The following AVL9 variants were observed in gnomAD, a reference collection of about 807,000 sequenced individuals.
The protein encoded by AVL9 is late secretory pathway protein AVL9 homolog.
In AVL9, 49 loss-of-function variants were observed where a neutral mutation model predicts 79.2. That is an observed-to-expected ratio of 0.62 (90% confidence interval 0.49 to 0.79). AVL9 has a LOEUF of 0.79. Among genes scored for constraint, AVL9 ranks in the 30% least tolerant of loss-of-function variants. AVL9 has a pLI of 0.00. For missense variants in AVL9, 682 were observed against 776.8 expected, an observed-to-expected ratio of 0.88 and a Z score of 1.45; for synonymous variants, 299 against 280.6, an observed-to-expected ratio of 1.07 and a Z score of -0.65.
At chr7:32,496,636 A>G (rs528824035) in intron 1 of AVL9, among the ~76,000 whole-genome samples, 160 of 152,346 alleles carry the variant, frequency 1.1e-3, no homozygotes, top group Middle Eastern at 6.8e-3. Context: ...GTGCTAGTGA[A>G]CAGTAAATTG....
At chr7:32,496,687 C>T (rs1031322670) in intron 1 of AVL9, among the ~76,000 whole-genome samples, 1 of 152,222 alleles carries the variant, frequency 6.6e-6, no homozygotes, top group Non-Finnish European at 1.5e-5. Flanking sequence ...ATTGCCACCA[C>T]TAGCTAATGA....
intron 1 of AVL9, among the ~76,000 whole-genome samples, chr7:32,509,687 T>G (rs1787570471): frequency 1.3e-5 from 2 of 151,938 alleles, no homozygotes; most frequent in Non-Finnish European, 2.9e-5. Flanking sequence ...CCATCTCTAC[T>G]AAAAATACAA....
chr7:32,583,878 C>A lies in AVL9; in HGVS notation c.1918C>A (p.Leu640Ile), dbSNP rs377080304. The A allele has an allele frequency of 1.4e-5, 22 of 1,613,944 alleles. No homozygotes were observed. The highest frequency in any genetic ancestry group is 1.8e-5 in the Non-Finnish European group (21 of 1,179,940). ...STFTTSTSQS[L>I]TEPPDEKP ...TTTCACCACTTCCACCTCCCAAAGT[C>A]TCACTGAGCCACCAGATGAGAAGCC... is the stretch of plus-strand genomic sequence containing the variant. Residue 640 changes from leucine (L) to isoleucine (I), a missense_variant, in exon 16 of 16, where the codon CTC becomes ATC. Leu to Ile is a conservative substitution (Grantham distance 5). Coordinates refer to ENST00000318709, the MANE Select transcript of AVL9 (RefSeq NM_015060.3).
At chr7:32,568,209 T>A (rs12667409) in intron 10 of AVL9, among the ~76,000 whole-genome samples, 77,089 of 146,814 alleles carry the variant, frequency 0.53, 21,056 homozygotes, top group Admixed American at 0.66. Flanking sequence ...TTATTTATTT[T>A]TTTTTTTTTG....
intron 1 of AVL9, among the ~76,000 whole-genome samples, chr7:32,540,282 T>G (rs772124014): frequency 1.3e-5 from 2 of 152,238 alleles, no homozygotes; most frequent in African/African-American, 4.8e-5. Flanking sequence ...ATCTATGGGA[T>G]AAATTTCTAA....
chr7:32,523,373 C>G (rs1468857352), intron 1 of AVL9, among the ~76,000 whole-genome samples: 19 of 151,786 alleles, frequency 1.3e-4, no homozygotes, highest in Admixed American at 1.2e-3. Flanking sequence ...AACAAAAGAG[C>G]CTTAGTCCCT....
At chr7:32,560,284 CTTAAAT>C (rs1324485027) in intron 10 of AVL9, among the ~76,000 whole-genome samples, 64 of 151,260 alleles carry the variant, frequency 4.2e-4, no homozygotes, top group African/African-American at 1.4e-3. Context: ...GTGAATAAAA[CTTAAAT>C]AATAATGTTA....
At chr7:32,512,248 G>A (rs372940851) in intron 1 of AVL9, among the ~76,000 whole-genome samples, 2 of 152,212 alleles carry the variant, frequency 1.3e-5, no homozygotes, top group African/African-American at 4.8e-5. Context: ...GGCTAACAGA[G>A]GCAGGGGCTT....
intron 1 of AVL9, among the ~76,000 whole-genome samples, chr7:32,502,406 A>AAAAGAAAG (rs1562748593): frequency 2.1e-4 from 29 of 140,168 alleles, no homozygotes; most frequent in Non-Finnish European, 3.2e-4. Context: ...AAAAAAAAAA[A>AAAAGAAAG]AAAGAAAGAA....
At chr7:32,568,982 G>C (rs370296841) in intron 10 of AVL9, among the ~76,000 whole-genome samples, 3 of 152,234 alleles carry the variant, frequency 2.0e-5, no homozygotes, top group East Asian at 1.9e-4. Flanking sequence ...CCAACTTTTG[G>C]AAGTCTTCCC....
At chr7:32,516,625 A>G (rs1319035350) in intron 1 of AVL9, among the ~76,000 whole-genome samples, 6 of 152,146 alleles carry the variant, frequency 3.9e-5, no homozygotes, top group Admixed American at 3.9e-4. Context: ...AGAAATGAAT[A>G]TAGGAGCTGG....
At chr7:32,524,338 A>G (rs1032702185) in intron 1 of AVL9, among the ~76,000 whole-genome samples, 1 of 152,042 alleles carries the variant, frequency 6.6e-6, no homozygotes, top group Non-Finnish European at 1.5e-5. Flanking sequence ...CAACATGGCA[A>G]AACCCCGTCT....
intron 12 of AVL9, among the ~76,000 whole-genome samples, chr7:32,574,834 G>C (rs1791015618): frequency 6.6e-6 from 1 of 152,090 alleles, no homozygotes; most frequent in South Asian, 2.1e-4. Context: ...TTGAGGAAGT[G>C]TTCTTAGAAC....
intron 10 of AVL9, among the ~76,000 whole-genome samples, chr7:32,567,950 A>C (rs13242777): frequency 0.6 from 90,645 of 151,292 alleles, 28,092 homozygotes; most frequent in Admixed American, 0.7. Flanking sequence ...AAACTCCTGA[A>C]CTCAGATGAT....
intron 5 of AVL9, 133 bp from the exon 6 acceptor site, chr7:32,552,096 G>C: frequency 1.7e-6 from 1 of 602,612 alleles, no homozygotes; most frequent in Non-Finnish European, 3.0e-6. Context: ...AGAGAGGCTT[G>C]ATTGTTTTTA....
Position 32,516,660 on chromosome 7 carries a change from G to A in AVL9, c.93+20858G>A, listed in dbSNP as rs112094000. The stretch of plus-strand genomic sequence containing the variant: ...GTCATTCCATGCTTTGAGCCCTCCT[G>A]GAGGTGCTAGACCTCTGGAGACAAA... On this transcript the variant is annotated intron_variant, in intron 1 of 15. Transcript: ENST00000318709. Among the ~76,000 whole-genome samples the A allele has an allele frequency of 3.4e-3, 510 of 151,926 alleles. 1 individual carries two copies. Among genetic ancestry groups the A allele is most frequent in the Middle Eastern group, 6.8e-3 (2 of 294 alleles).
At chr7:32,512,273 C>T (rs1787707185) in intron 1 of AVL9, among the ~76,000 whole-genome samples, 1 of 152,190 alleles carries the variant, frequency 6.6e-6, no homozygotes, top group South Asian at 2.1e-4. Context: ...CCTAGGAGAG[C>T]AGTTCTGAAG....
At chr7:32,513,922 G>A (rs1185850460) in intron 1 of AVL9, among the ~76,000 whole-genome samples, 1 of 152,206 alleles carries the variant, frequency 6.6e-6, no homozygotes, top group East Asian at 1.9e-4. Context: ...GCCTGGATGT[G>A]CACATAGGCT....
intron 12 of AVL9, 68 bp from the exon 13 acceptor site, chr7:32,575,887 G>T: frequency 4.5e-6 from 5 of 1,109,720 alleles, no homozygotes; most frequent in Admixed American, 1.8e-5. Context: ...TACCCTTTTT[G>T]GTTATAATCT....
Sources: gnomAD v4.1 joint callset for allele counts (sites outside exome capture counted in the v4.1 genomes callset) on GRCh38, gnomAD v4.1.1 for gene constraint, MANE v1.5 for transcripts, NCBI Gene and HGNC (gene_info 2026-07-23, HGNC 2026-07-21) for gene names.